Variants in KCNN2 observed in about 807,000 individuals in gnomAD.
The protein encoded by KCNN2 is small conductance calcium-activated potassium channel protein 2.
Under a neutral mutation model 55.5 loss-of-function variants are expected in KCNN2, and 24 were observed. The observed-to-expected ratio is 0.43, with a 90% CI of 0.31 to 0.61. The LOEUF is 0.61. Among genes scored for constraint, KCNN2 ranks in the 20% least tolerant of loss-of-function variants. The probability of loss-of-function intolerance (pLI) is 0.08; values close to 1 mark genes in which losing one functional copy is unlikely to be tolerated. For missense variants in KCNN2, 754 were observed against 853.6 expected (o/e 0.88, Z 1.45); for synonymous variants, 431 against 336.1 (o/e 1.28, Z -3.09).
chr5:114,445,822 A>G (rs1760383579), intron 3 of KCNN2, among the ~76,000 whole-genome samples: 1 of 152,196 alleles, frequency 6.6e-6, no homozygotes, highest in Non-Finnish European at 1.5e-5. Context: ...ACTCTCTTTT[A>G]TTCTAGTTGT....
chr5:114,495,759 G>T, intron 7 of KCNN2, 136 bp from the exon 8 acceptor site: 1 of 747,426 alleles, frequency 1.3e-6, no homozygotes, highest in Non-Finnish European at 2.3e-6. Context: ...GGCTTTGCAA[G>T]ATGAGCTGTT....
intron 2 of KCNN2, among the ~76,000 whole-genome samples, chr5:114,225,807 A>T (rs548080177): frequency 2.0e-5 from 3 of 152,244 alleles, no homozygotes; most frequent in Admixed American, 1.3e-4. Context: ...CTACATTAGC[A>T]TTTAAGTATG....
At chr5:114,325,492 A>G (rs758223760) in intron 2 of KCNN2, among the ~76,000 whole-genome samples, 48 of 152,246 alleles carry the variant, frequency 3.2e-4, no homozygotes, top group Non-Finnish European at 5.4e-4. Context: ...AGAGTATTCA[A>G]TCACACAAAA....
At chr5:114,468,085 A>T (rs887180912) in intron 4 of KCNN2, among the ~76,000 whole-genome samples, 1 of 152,156 alleles carries the variant, frequency 6.6e-6, no homozygotes, top group African/African-American at 2.4e-5. Flanking sequence ...TCTTACAATG[A>T]GGACATTTGA....
At chr5:114,312,428 CACACACATATATATAT>C (rs1345682935) in intron 2 of KCNN2, among the ~76,000 whole-genome samples, 143 of 22,024 alleles carry the variant, frequency 6.5e-3, no homozygotes, top group African/African-American at 8.8e-3. Context: ...CACACACACA[CACACACATATATATAT>C]ATATATATAT....
chr5:114,490,495 A>G (rs1321584143), intron 6 of KCNN2, among the ~76,000 whole-genome samples: 1 of 152,158 alleles, frequency 6.6e-6, no homozygotes, highest in African/African-American at 2.4e-5. Flanking sequence ...GTATAGTAGC[A>G]ATGAAGAAGG....
chr5:114,359,924 C>T (rs1366376593), upstream of KCNN2, among the ~76,000 whole-genome samples: 1 of 152,174 alleles, frequency 6.6e-6, no homozygotes, highest in South Asian at 2.1e-4. Flanking sequence ...GTTTTGAATA[C>T]TCATGCTTTC....
chr5:114,323,649 A>ATTTTTTTTTTTTTTTTT lies in KCNN2; in HGVS notation c.-184-37294_-184-37278dup, dbSNP rs6149185. 1.7e-3 allele frequency among the ~76,000 whole-genome samples: 147 copies of ATTTTTTTTTTTTTTTTT among 85,288 alleles called. 27 individuals are homozygous for ATTTTTTTTTTTTTTTTT. Among genetic ancestry groups the ATTTTTTTTTTTTTTTTT allele is most frequent in the Middle Eastern group, 0.015 (2 of 136 alleles). The allele number at this position is 85,288 out of a possible 152,430, so 56.0% of individuals were successfully genotyped here. On this transcript the variant is annotated intron_variant, in intron 2 of 10. Transcript: ENST00000512097. ...TAAGTATCATGATATAAACATATCA[A>ATTTTTTTTTTTTTTTTT]TTTTTTTTTTTTTTTTTTGCTGGTC...
intron 1 of KCNN2, among the ~76,000 whole-genome samples, chr5:114,130,947 TG>T (rs1430458648): frequency 2.6e-5 from 4 of 152,190 alleles, no homozygotes; most frequent in African/African-American, 9.6e-5. Flanking sequence ...GGCCTGAGTC[TG>T]GGACAAACTT....
intron 2 of KCNN2, among the ~76,000 whole-genome samples, chr5:114,233,571 G>T (rs1414853140): frequency 6.6e-6 from 1 of 151,976 alleles, no homozygotes; most frequent in Non-Finnish European, 1.5e-5. Context: ...CTTAGTTTTG[G>T]TCTTTTGTGG....
chr5:114,454,547 G>A (rs1348704373), intron 3 of KCNN2, among the ~76,000 whole-genome samples: 1 of 152,114 alleles, frequency 6.6e-6, no homozygotes, highest in African/African-American at 2.4e-5. Context: ...TTCTTTCTCT[G>A]TATTATCAAA....
intron 1 of KCNN2, among the ~76,000 whole-genome samples, chr5:114,092,034 T>C (rs1191180646): frequency 3.9e-5 from 6 of 152,218 alleles, no homozygotes; most frequent in Non-Finnish European, 7.3e-5. Flanking sequence ...TCCTAAAGTC[T>C]TAATTCATTC....
At chr5:114,474,862 C>T (rs550478108) in intron 5 of KCNN2, among the ~76,000 whole-genome samples, 9 of 151,774 alleles carry the variant, frequency 5.9e-5, no homozygotes, top group Admixed American at 2.0e-4. Context: ...AATACCATGT[C>T]GCCCATATGT....
At chr5:114,480,122 G>C (rs1421535293) in intron 5 of KCNN2, among the ~76,000 whole-genome samples, 2 of 151,970 alleles carry the variant, frequency 1.3e-5, no homozygotes, top group East Asian at 3.9e-4. Flanking sequence ...TAGACCACTA[G>C]ATAGACAAAG....
At chr5:114,255,107 G>A (rs867582212) in intron 2 of KCNN2, among the ~76,000 whole-genome samples, 13 of 152,150 alleles carry the variant, frequency 8.5e-5, no homozygotes, top group Middle Eastern at 3.2e-3. Context: ...CTTGATGACA[G>A]TTACTATTTT....
At chr5:114,420,872 T>G (rs1759452701) in intron 3 of KCNN2, among the ~76,000 whole-genome samples, 1 of 152,208 alleles carries the variant, frequency 6.6e-6, no homozygotes, top group Non-Finnish European at 1.5e-5. Context: ...TGGCTGGGCC[T>G]GCTGTGGGCC....
chr5:114,281,800 A>G (rs1217433600), intron 2 of KCNN2, among the ~76,000 whole-genome samples: 2 of 152,102 alleles, frequency 1.3e-5, no homozygotes, highest in Non-Finnish European at 2.9e-5. Context: ...TGAAGGCTTG[A>G]GTCAAATTTA....
At chr5:114,232,120 G>A (rs940098333) in intron 2 of KCNN2, among the ~76,000 whole-genome samples, 4 of 150,944 alleles carry the variant, frequency 2.6e-5, no homozygotes, top group Non-Finnish European at 4.4e-5. Context: ...GTTTGGGCCT[G>A]AGAATCTGTG....
At chr5:114,089,640 C>T (rs1267475956) in intron 1 of KCNN2, among the ~76,000 whole-genome samples, 1 of 152,148 alleles carries the variant, frequency 6.6e-6, no homozygotes, top group African/African-American at 2.4e-5. Flanking sequence ...ACTTAAATCT[C>T]TGTTTTCTTG....
Sources: allele counts gnomAD v4.1 joint callset (sites outside exome capture counted in the v4.1 genomes callset), GRCh38; gene constraint gnomAD v4.1.1; transcripts MANE v1.5; gene names NCBI Gene and HGNC (gene_info 2026-07-23, HGNC 2026-07-21).